ZBED6: variants seen among roughly 807,000 people sequenced by gnomAD.
The protein encoded by ZBED6 is zinc finger BED-type containing 6.
Under a neutral mutation model 58.4 loss-of-function variants are expected in ZBED6, and 40 were observed. The ratio of observed to expected loss-of-function variants is 0.68; its 90% CI spans 0.53 to 0.89. The LOEUF (loss-of-function observed/expected upper bound fraction) is 0.89, where lower values mean the gene tolerates loss of function less well. Ranked by LOEUF, ZBED6 falls within the 40% of genes least tolerant of loss-of-function variation. The probability of loss-of-function intolerance (pLI) is 0.00; values close to 1 mark genes in which losing one functional copy is unlikely to be tolerated. For missense variants in ZBED6, 1,057 were observed against 1,003.9 expected, an observed-to-expected ratio of 1.05 and a Z score of -0.71; for synonymous variants, 439 against 350.6, an observed-to-expected ratio of 1.25 and a Z score of -2.82.
chr1:203,800,377 A>G, exon 1 of ZBED6: 1 of 988,300 alleles, frequency 1.0e-6, no homozygotes, highest in Non-Finnish European at 1.5e-6. Context: ...AAAAATGTTA[A>G]CTACGATTAT....
At chr1:203,840,325 T>G in exon 11 of ZBED6, 2 of 1,613,420 alleles carry the variant, frequency 1.2e-6, no homozygotes, top group South Asian at 1.1e-5. Context: ...CCAAGTCTCT[T>G]AAGGAGCGAT....
rs924097766 is a variant in ZBED6 at position 203,802,432 on chromosome 1, A to ATG, written c.*1980_*1981dup. On this transcript the variant is annotated 3_prime_UTR_variant, in exon 1 of 17. Coordinates refer to ENST00000550078, the Ensembl canonical transcript of ZBED6. ...TATATTTCTATACATTTTTGTGTAT[A>ATG]TGTGTGTGTGTATAAGCCAGTTAGT... 4 of 152,538 alleles carry ATG rather than the reference A, an allele frequency of 2.6e-5. No individual in the cohort carries two copies. In the East Asian group the frequency reaches 7.7e-4, roughly 29 times the overall value. The allele number at this position is 152,538 out of a possible 1,614,324, so 9.4% of individuals were successfully genotyped here.
exon 1 of ZBED6, chr1:203,800,433 C>A: frequency 6.9e-7 from 1 of 1,451,388 alleles, no homozygotes; most frequent in Non-Finnish European, 9.2e-7. Flanking sequence ...TGAAGTTGTT[C>A]AAAGCAGTGA....
chr1:203,820,308 G>A (rs1678123724), intron 3 of ZBED6, among the ~76,000 whole-genome samples: 1 of 151,518 alleles, frequency 6.6e-6, no homozygotes, highest in Non-Finnish European at 1.5e-5. Flanking sequence ...TCCTTCTGTT[G>A]AGAGCAGTTG....
chr1:203,828,280 G>T lies in ZBED6; in HGVS notation c.*2874-19G>T. The stretch of plus-strand genomic sequence containing the variant: ...TATCACTGTTTTATTTGAAAGCAAT[G>T]TGTTTTTCCCTCTTACAGAAAAAAC... On this transcript the variant is annotated intron_variant, in intron 3 of 16. Transcript: ENST00000550078. 6.2e-7 allele frequency: 1 copy of T among 1,613,802 alleles called. No individual in the cohort carries two copies. The highest frequency in any genetic ancestry group is 8.5e-7 in the Non-Finnish European group (1 of 1,179,842).
At chr1:203,829,813 C>T in exon 6 of ZBED6, 7 of 1,614,044 alleles carry the variant, frequency 4.3e-6, no homozygotes, top group Non-Finnish European at 5.9e-6. Flanking sequence ...GAAACCAAAA[C>T]ACCTACCCTG....
chr1:203,825,625 G>A (rs61827266), intron 3 of ZBED6, among the ~76,000 whole-genome samples: 19,327 of 151,842 alleles, frequency 0.13, 1,608 homozygotes, highest in East Asian at 0.29. Flanking sequence ...TAGTAGAGAC[G>A]GGGTTTCACC....
At chr1:203,833,420 A>T (rs1337792600) in intron 8 of ZBED6, among the ~76,000 whole-genome samples, 1 of 150,034 alleles carries the variant, frequency 6.7e-6, no homozygotes, top group Non-Finnish European at 1.5e-5. Flanking sequence ...AGTCCCAGCT[A>T]CTTGGGAGGC....
rs779729339 is a variant in ZBED6, at chr1:203,815,211, C to CTTTCTTTTTTTT, written c.*2555-1712_*2555-1711insCTTTTTTTTTTT. ...GTTATTTCATTATTTTCTTCCTTTT[C>CTTTCTTTTTTTT]TTTTCTTTTTTTTTTTTTTTTGAGA... On this transcript the variant is annotated intron_variant, in intron 1 of 16. Transcript: ENST00000550078. Among the ~76,000 whole-genome samples, 19 of 59,410 alleles carry CTTTCTTTTTTTT rather than the reference C, an allele frequency of 3.2e-4. 1 individual carries two copies. Among genetic ancestry groups the CTTTCTTTTTTTT allele is most frequent in the East Asian group, 1.1e-3 (3 of 2,710 alleles). 39.0% of individuals were successfully genotyped at this position (59,410 alleles called of 152,430 possible). A position where few individuals can be genotyped will look rare whatever the true frequency, so the allele number is the denominator to read the frequency against.
At chr1:203,832,377 T>C (rs1459493790) in intron 8 of ZBED6, among the ~76,000 whole-genome samples, 1 of 151,922 alleles carries the variant, frequency 6.6e-6, no homozygotes, top group Admixed American at 6.6e-5. Context: ...TTTTTTTTTT[T>C]TTAGATGGAG....
At chr1:203,798,538 G>A in exon 1 of ZBED6, 1 of 1,536,142 alleles carries the variant, frequency 6.5e-7, no homozygotes, top group Non-Finnish European at 8.7e-7. Context: ...GAGACTGAGA[G>A]AAGTGATCTC....
chr1:203,832,633 T>C (rs1239656603), intron 8 of ZBED6, among the ~76,000 whole-genome samples: 1 of 152,166 alleles, frequency 6.6e-6, no homozygotes, highest in African/African-American at 2.4e-5. Flanking sequence ...ATTGCTGGGA[T>C]TATAGGTGTT....
intron 1 of ZBED6, among the ~76,000 whole-genome samples, chr1:203,807,532 T>G (rs1028882598): frequency 1.6e-4 from 24 of 151,694 alleles, no homozygotes; most frequent in African/African-American, 5.6e-4. Flanking sequence ...GTTTTTTTTT[T>G]GTTGGTTTTT....
intron 11 of ZBED6, among the ~76,000 whole-genome samples, chr1:203,846,308 G>A (rs1687897350): frequency 6.6e-6 from 1 of 152,060 alleles, no homozygotes; most frequent in South Asian, 2.1e-4. Flanking sequence ...TCTGTGAAGT[G>A]TGACATTTGG....
At chr1:203,830,054 C>G (rs1444594523) in intron 6 of ZBED6, 69 bp from the exon 7 acceptor site, 1 of 1,374,390 alleles carries the variant, frequency 7.3e-7, no homozygotes, top group African/African-American at 1.5e-5. Flanking sequence ...TAAATGCCTG[C>G]TATGTACAGA....
At chr1:203,812,651 G>T (rs1034789652) in intron 1 of ZBED6, among the ~76,000 whole-genome samples, 1 of 137,176 alleles carries the variant, frequency 7.3e-6, no homozygotes, top group Non-Finnish European at 1.5e-5. Flanking sequence ...GCATGATCTC[G>T]GCTCACTGCA....
At chr1:203,842,253 G>A (rs1686589619) in intron 11 of ZBED6, among the ~76,000 whole-genome samples, 1 of 152,298 alleles carries the variant, frequency 6.6e-6, no homozygotes, top group East Asian at 1.9e-4. Context: ...CAGGCGGCTG[G>A]GAGGTGGAGG....
chr1:203,828,156 A>C, intron 3 of ZBED6, 143 bp from the exon 4 acceptor site: 1 of 905,874 alleles, frequency 1.1e-6, no homozygotes, highest in Non-Finnish European at 1.7e-6. Flanking sequence ...ATTTTCAGCA[A>C]TCTCTCTTCC....
Position 203,815,202 on chromosome 1 carries a change from C to T in ZBED6, c.*2555-1724C>T, listed in dbSNP as rs1675851367. On this transcript the variant is annotated intron_variant, in intron 1 of 16. Coordinates refer to ENST00000550078, the Ensembl canonical transcript of ZBED6. Reference sequence around the variant, plus strand: ...TTTCTAGATGTTATTTCATTATTTTCTTCCTTTTCTTTTCTTTTTTTTTTT... The same window carrying T: ...TTTCTAGATGTTATTTCATTATTTTTTTCCTTTTCTTTTCTTTTTTTTTTT... Among the ~76,000 whole-genome samples the T allele has an allele frequency of 4.1e-5, 3 of 73,638 alleles. No homozygotes were observed. The South Asian group carries it at 1.6e-3, about 40-fold the overall frequency. The allele number at this position is 73,638 out of a possible 152,430, so 48.3% of individuals were successfully genotyped here.
Sources: allele counts gnomAD v4.1 joint callset (sites outside exome capture counted in the v4.1 genomes callset), GRCh38; gene constraint gnomAD v4.1.1; transcripts MANE v1.5; gene names NCBI Gene and HGNC (gene_info 2026-07-23, HGNC 2026-07-21).